Variants in ZNF69 observed in about 807,000 individuals in gnomAD.
ZNF69 encodes ZNF3.
ZNF69 carries 47 observed loss-of-function variants against 50.9 expected under a neutral mutation model. That is an observed-to-expected ratio of 0.92 (90% CI 0.73 to 1.18). The LOEUF is 1.18. Among genes scored for constraint, ZNF69 ranks in the 50% most tolerant of loss-of-function variants. The pLI, the probability that ZNF69 is intolerant of heterozygous loss-of-function variation, is 0.00. For missense variants in ZNF69, 717 were observed against 675.1 expected, an observed-to-expected ratio of 1.06 and a Z score of -0.69; for synonymous variants, 216 against 223.1, an observed-to-expected ratio of 0.97 and a Z score of 0.29.
chr19:11,919,368 C>G, the ZNF69 span, among the ~76,000 whole-genome samples: 1 of 152,108 alleles, frequency 6.6e-6, no homozygotes, highest in Non-Finnish European at 1.5e-5. Flanking sequence ...TCCCCATCTG[C>G]TATGTGATAA....
At chr19:11,935,915 G>A in the ZNF69 span, among the ~76,000 whole-genome samples, 9 of 152,094 alleles carry the variant, frequency 5.9e-5, no homozygotes, top group African/African-American at 1.9e-4. Flanking sequence ...TGTCCGAGTG[G>A]TCTCATTGTT....
intron 2 of ZNF69, 27 bp from the exon 3 acceptor site, chr19:11,903,878 G>A (rs1210879944): frequency 2.6e-5 from 42 of 1,611,980 alleles, no homozygotes; most frequent in Non-Finnish European, 3.4e-5. Flanking sequence ...ACTGCCTCAG[G>A]ACTATTTTTC....
In ZNF69 at chr19:11,905,247, G is replaced by C. The variant is rs1205782551; in HGVS notation, c.850G>C (p.Ala284Pro). The change falls in exon 4 of 4, where the codon GCA (alanine) becomes CCA (proline). Residue 284 changes from alanine (A) to proline (P), a missense_variant. Ala to Pro is a conservative substitution (Grantham distance 27). Coordinates refer to ENST00000429654, the MANE Select transcript of ZNF69 (RefSeq NM_001364730.1). ...KPYECQQCGK[A>P]FHSPRCYRRH... ...TTATGAATGTCAGCAATGTGGGAAA[G>C]CATTTCATAGTCCCAGATGCTATCG... The C allele has an allele frequency of 3.1e-6, 5 of 1,614,124 alleles. No homozygotes were observed. The highest frequency in any genetic ancestry group is 4.2e-6 in the Non-Finnish European group (5 of 1,180,024).
chr19:11,967,455 A>G, the ZNF69 span, among the ~76,000 whole-genome samples: 1 of 151,720 alleles, frequency 6.6e-6, no homozygotes, highest in Non-Finnish European at 1.5e-5. Context: ...CCCAGGCTGG[A>G]GTGCAGTGGC....
chr19:11,958,394 C>A, the ZNF69 span, among the ~76,000 whole-genome samples: 3 of 152,132 alleles, frequency 2.0e-5, no homozygotes, highest in Non-Finnish European at 4.4e-5. Context: ...GGAGTCTCTG[C>A]TAACTCTGGG....
chr19:11,979,016 G>GA, the ZNF69 span: 2 of 1,614,014 alleles, frequency 1.2e-6, no homozygotes, highest in East Asian at 2.2e-5. Context: ...CCCACTCTGC[G>GA]AAAAAACCTT....
At chr19:11,967,662 C>G in the ZNF69 span, among the ~76,000 whole-genome samples, 1 of 152,170 alleles carries the variant, frequency 6.6e-6, no homozygotes, top group Non-Finnish European at 1.5e-5. Flanking sequence ...CTCGGCCTCC[C>G]AAAGTGCTGG....
chr19:11,911,008 C>T (rs1568282870), downstream of ZNF69, among the ~76,000 whole-genome samples: 1 of 152,084 alleles, frequency 6.6e-6, no homozygotes, highest in African/African-American at 2.4e-5. Flanking sequence ...AAAAAGTGGG[C>T]AAAGGATATG....
the ZNF69 span, among the ~76,000 whole-genome samples, chr19:11,943,384 T>C: frequency 6.6e-6 from 1 of 152,240 alleles, no homozygotes; most frequent in African/African-American, 2.4e-5. Context: ...CATCTGGGTT[T>C]CTTACCGGGC....
chr19:11,918,110 C>T (rs73506882), downstream of ZNF69, among the ~76,000 whole-genome samples: 621 of 152,140 alleles, frequency 4.1e-3, 5 homozygotes, highest in African/African-American at 0.014. Flanking sequence ...ATTGACAATG[C>T]TTTTCTTGTT....
At chr19:11,939,295 C>A in the ZNF69 span, among the ~76,000 whole-genome samples, 2 of 152,180 alleles carry the variant, frequency 1.3e-5, no homozygotes, top group Non-Finnish European at 2.9e-5. Context: ...TGATGAAGTC[C>A]TTGCCCATGC....
the ZNF69 span, chr19:11,948,382 T>A: frequency 2.5e-5 from 40 of 1,613,826 alleles, no homozygotes; most frequent in Middle Eastern, 1.3e-3. Context: ...GAAGAAAGCT[T>A]CTCCTGAAGT....
the ZNF69 span, among the ~76,000 whole-genome samples, chr19:11,923,433 C>T: frequency 6.6e-6 from 1 of 152,224 alleles, no homozygotes; most frequent in Non-Finnish European, 1.5e-5. Context: ...CCGACTCTCT[C>T]CTCCCTGAGT....
the ZNF69 span, chr19:11,924,963 C>T: frequency 2.3e-6 from 1 of 439,274 alleles, no homozygotes; most frequent in Non-Finnish European, 4.2e-6. Flanking sequence ...GGCTAGAATC[C>T]GTCAGTCTGG....
the ZNF69 span, among the ~76,000 whole-genome samples, chr19:11,972,088 A>T: frequency 3.3e-5 from 5 of 152,030 alleles, no homozygotes; most frequent in East Asian, 9.7e-4. Context: ...AAAAGAAAAG[A>T]AATTAGTCCA....
At chr19:11,906,794 C>T (rs545678704), downstream of ZNF69, among the ~76,000 whole-genome samples, 54 of 152,314 alleles carry the variant, frequency 3.5e-4, no homozygotes, top group South Asian at 2.1e-3. Flanking sequence ...CGCAGCTCCT[C>T]GCCAGCAATG....
At chr19:11,973,247 C>T in the ZNF69 span, among the ~76,000 whole-genome samples, 2 of 152,106 alleles carry the variant, frequency 1.3e-5, no homozygotes, top group African/African-American at 4.8e-5. Context: ...ATGTTCCTTC[C>T]TCTAGAGTTT....
chr19:11,978,608 T>A, the ZNF69 span: 4 of 1,614,220 alleles, frequency 2.5e-6, no homozygotes, highest in Non-Finnish European at 2.5e-6. Context: ...AGAAACCGTA[T>A]GAATGTAAAC....
At chr19:11,980,196 A>G in the ZNF69 span, 15 of 494,442 alleles carry the variant, frequency 3.0e-5, no homozygotes, top group African/African-American at 2.2e-4. Flanking sequence ...CCTGATCAAT[A>G]TGATGAAACC....
Sources: allele counts gnomAD v4.1 joint callset (sites outside exome capture counted in the v4.1 genomes callset), GRCh38; gene constraint gnomAD v4.1.1; transcripts MANE v1.5; gene names NCBI Gene and HGNC (gene_info 2026-07-23, HGNC 2026-07-21).